ATP1A1: variants seen among roughly 807,000 people sequenced by gnomAD.
ATP1A1 encodes the protein sodium/potassium-transporting ATPase subunit alpha-1.
A neutral mutation model predicts 114.8 loss-of-function variants in ATP1A1; 14 were observed. The observed-to-expected ratio is 0.12, with a 90% confidence interval of 0.08 to 0.19. The LOEUF is 0.19. Ranked by LOEUF, ATP1A1 falls within the 10% of genes least tolerant of loss-of-function variation. The pLI, the probability that ATP1A1 is intolerant of heterozygous loss-of-function variation, is 1.00. For synonymous variants in ATP1A1, 471 were observed against 466.3 expected (o/e 1.01, Z -0.13); for missense variants, 524 against 1,290.7 (o/e 0.41, Z 9.10).
At chr1:116,386,812 G>C (rs1652127805) in intron 3 of ATP1A1, among the ~76,000 whole-genome samples, 1 of 152,160 alleles carries the variant, frequency 6.6e-6, no homozygotes, top group African/African-American at 2.4e-5. Flanking sequence ...AAACTTGGCT[G>C]TTAACCCAAA....
At chr1:116,386,492 G>A (rs1652104199) in intron 3 of ATP1A1, among the ~76,000 whole-genome samples, 1 of 152,156 alleles carries the variant, frequency 6.6e-6, no homozygotes, top group South Asian at 2.1e-4. Context: ...GCACTCAAAT[G>A]TTTGGTAACA....
In ATP1A1 at chr1:116,376,533, A is replaced by C. The variant is rs1239294951; in HGVS notation, c.12+3010A>C. 2.0e-5 allele frequency among the ~76,000 whole-genome samples: 3 copies of C among 152,156 alleles called. No individual in the cohort carries two copies. In the South Asian group the frequency reaches 6.2e-4, roughly 32 times the overall value. On this transcript the variant is annotated intron_variant, in intron 1 of 22. Transcript: ENST00000295598. ...GGGGTGGAGAGAGCACTTGTGCCTC[A>C]CCCTTTGCCTGTCAGTTGTTCAGCG...
chr1:116,394,020 T>C (rs1038707279), intron 12 of ATP1A1, among the ~76,000 whole-genome samples: 8 of 151,944 alleles, frequency 5.3e-5, no homozygotes, highest in Admixed American at 3.9e-4. Context: ...AAAAAAAAAA[T>C]GGTGGAAGAA....
rs1266835711 is a variant in ATP1A1 at position 116,397,980 on chromosome 1, T to C, written c.2066T>C (p.Val689Ala). 1 of 1,613,998 alleles carries C rather than the reference T, an allele frequency of 6.2e-7. No homozygotes were observed. The highest frequency in any genetic ancestry group is 2.2e-5 in the East Asian group (1 of 44,868). Reference sequence around the variant, plus strand: ...ATTTTGAAGTACCACACTGAGATAGTGTTTGCCAGGACCTCCCCTCAGCAG... The same window carrying C: ...ATTTTGAAGTACCACACTGAGATAGCGTTTGCCAGGACCTCCCCTCAGCAG... ...DDILKYHTEI[V>A]FARTSPQQKL... The change falls in exon 15 of 23, where the codon GTG becomes GCG. Residue 689 changes from valine to alanine, a missense_variant. This residue lies in a region of ATP1A1 where 47 missense variants were observed against 79.8 expected (regional missense o/e 0.59). Transcript: ENST00000295598. This position sits in a 1 kb window ranked among gnomAD's most constrained non-coding sequence, Gnocchi z 4.2.
At position 116,398,100 on chromosome 1, in the gene ATP1A1, G is replaced by GT; in HGVS notation, c.2124+63dup. The GT allele has an allele frequency of 6.3e-7, 1 of 1,593,118 alleles. No individual in the cohort carries two copies. On this transcript the variant is annotated intron_variant, in intron 15 of 22. Transcript: ENST00000295598. The surrounding 1 kb of genome is among the most constrained non-coding windows in gnomAD (Gnocchi z 6.1). ...ATTGGCTTTAGGGATTGGAGTTCCA[G>GT]TGGAAACAGAGCAACGGTGATGGAT...
chr1:116,388,568 A>G lies in ATP1A1; in HGVS notation c.502-70A>G, dbSNP rs775759694. On this transcript the variant is annotated intron_variant, in intron 5 of 22. Transcript: ENST00000295598. The surrounding 1 kb of genome is among the most constrained non-coding windows in gnomAD (Gnocchi z 5.6). ...GGTAATTAGGATTATGACTATTTTT[A>G]TTTTCTTGTTTTGGACACTACCTTC... is the stretch of plus-strand genomic sequence containing the variant. The G allele has an allele frequency of 6.6e-7, 1 of 1,519,422 alleles. No individual in the cohort carries two copies. The highest frequency in any genetic ancestry group is 8.9e-7 in the Non-Finnish European group (1 of 1,122,064). The allele number at this position is 1,519,422 out of a possible 1,614,324, so 94.1% of individuals were successfully genotyped here. A position where few individuals can be genotyped will look rare whatever the true frequency, so the allele number is the denominator to read the frequency against.
In ATP1A1 at chr1:116,396,730, C is replaced by T. The variant is rs766905602; in HGVS notation, c.1969C>T (p.Pro657Ser). The T allele has an allele frequency of 6.3e-7, 1 of 1,576,824 alleles. No homozygotes were observed. Among genetic ancestry groups the T allele is most frequent in the Non-Finnish European group, 8.6e-7 (1 of 1,158,262 alleles). ...CAACATCCCAGTCAGCCAGGTGAAC[C>T]CCAGGTAAGGCAGGAAGCTCAAATC... ...RLNIPVSQVN[P>S]RDAKACVVHG... The change falls in exon 14 of 23, where the codon CCC (proline) becomes TCC (serine). Residue 657 changes from proline (P) to serine (S), a missense_variant. This residue lies in a region of ATP1A1 where 47 missense variants were observed against 79.8 expected (regional missense o/e 0.59). Coordinates refer to ENST00000295598, the MANE Select transcript of ATP1A1 (RefSeq NM_000701.8).
chr1:116,388,283 C>T lies in ATP1A1; in HGVS notation c.501+39C>T, dbSNP rs769373053. On this transcript the variant is annotated intron_variant, in intron 5 of 22. Transcript: ENST00000295598. The surrounding 1 kb of genome is among the most constrained non-coding windows in gnomAD (Gnocchi z 5.6). Reference sequence around the variant, plus strand: ...TGTCCTTCCCCAGTGGATGACTTGACAGCCCCAAGCATGTCAGCCTGTGAA... The same window carrying T: ...TGTCCTTCCCCAGTGGATGACTTGATAGCCCCAAGCATGTCAGCCTGTGAA... The T allele has an allele frequency of 5.5e-6, 8 of 1,452,398 alleles. No homozygotes were observed. Among genetic ancestry groups the T allele is most frequent in the South Asian group, 1.1e-5 (1 of 87,438 alleles). The allele number at this position is 1,452,398 out of a possible 1,614,324, so 90.0% of individuals were successfully genotyped here.
At position 116,373,370 on chromosome 1, in the gene ATP1A1, T is replaced by G; in HGVS notation, c.-142T>G. ...CATCGGCCCGAGCCGCCGGCCGCCC[T>G]CCCACCCTCCCGCCCCGCGGCAGCC... On this transcript the variant is annotated 5_prime_UTR_variant, in exon 1 of 23. Coordinates refer to ENST00000295598, the MANE Select transcript of ATP1A1 (RefSeq NM_000701.8). 1.8e-5 allele frequency: 6 copies of G among 333,834 alleles called. No homozygotes were observed. The highest frequency in any genetic ancestry group is 8.9e-5 in the East Asian group (1 of 11,240). The allele number at this position is 333,834 out of a possible 1,614,324, so 20.7% of individuals were successfully genotyped here. A position where few individuals can be genotyped will look rare whatever the true frequency, so the allele number is the denominator to read the frequency against.
chr1:116,386,325 T>C (rs1009562794), intron 3 of ATP1A1, among the ~76,000 whole-genome samples: 6 of 152,152 alleles, frequency 3.9e-5, no homozygotes, highest in African/African-American at 1.4e-4. Flanking sequence ...ATTAGAGTCT[T>C]AATGAAGTGT....
intron 1 of ATP1A1, among the ~76,000 whole-genome samples, chr1:116,378,727 C>T (rs569993554): frequency 1.2e-4 from 18 of 152,168 alleles, no homozygotes; most frequent in Non-Finnish European, 2.6e-4. Flanking sequence ...CAGTCATTTT[C>T]CTTCCTAGCC....
chr1:116,389,135 C>G lies in ATP1A1; in HGVS notation c.754+116C>G. On this transcript the variant is annotated intron_variant, in intron 7 of 22. Coordinates refer to ENST00000295598, the MANE Select transcript of ATP1A1 (RefSeq NM_000701.8). This position sits in a 1 kb window ranked among gnomAD's most constrained non-coding sequence, Gnocchi z 6.9. ...TGGCTCCATTTCTGAGAACTTGTGT[C>G]AAGCACAGAGCAGAGGTGTTTTCCT... 7 of 1,089,906 alleles carry G rather than the reference C, an allele frequency of 6.4e-6. No homozygotes were observed. Among genetic ancestry groups the G allele is most frequent in the Non-Finnish European group, 9.6e-6 (7 of 731,186 alleles). 67.5% of individuals were successfully genotyped at this position (1,089,906 alleles called of 1,614,324 possible). A position where few individuals can be genotyped will look rare whatever the true frequency, so the allele number is the denominator to read the frequency against.
chr1:116,387,401 G>C lies in ATP1A1; in HGVS notation c.297G>C (p.Gly99=), dbSNP rs200046518. ...AGTTTTGTCGGCAGCTCTTTGGGGG[G>C]TTCTCAATGTTACTGTGGATTGGAG... The part of the protein sequence containing the change: ...WIKFCRQLFG[G]FSMLLWIGAI... Residue 99 remains glycine (G), a synonymous_variant, in exon 4 of 23, where the codon GGG becomes GGC. Coordinates refer to ENST00000295598, the MANE Select transcript of ATP1A1 (RefSeq NM_000701.8). The surrounding 1 kb of genome is among the most constrained non-coding windows in gnomAD (Gnocchi z 6.7). The C allele has an allele frequency of 3.1e-6, 5 of 1,614,190 alleles. No homozygotes were observed. The South Asian group carries it at 4.4e-5, about 14-fold the overall frequency.
rs1305909461 is a variant in ATP1A1, at chr1:116,398,587, T to C, written c.2125-34T>C. The C allele has an allele frequency of 6.2e-7, 1 of 1,600,492 alleles. No homozygotes were observed. Among genetic ancestry groups the C allele is most frequent in the Non-Finnish European group, 8.5e-7 (1 of 1,171,114 alleles). Reference sequence around the variant, plus strand: ...CTATTTCCATCGCTAGGAAAAGTGATTGGTATTAACCCGTTTTCCCTTTTC... The same window carrying C: ...CTATTTCCATCGCTAGGAAAAGTGACTGGTATTAACCCGTTTTCCCTTTTC... On this transcript the variant is annotated intron_variant, in intron 15 of 22. Coordinates refer to ENST00000295598, the MANE Select transcript of ATP1A1 (RefSeq NM_000701.8). The surrounding 1 kb of genome is among the most constrained non-coding windows in gnomAD (Gnocchi z 6.1).
chr1:116,392,559 G>A, intron 10 of ATP1A1: 1 of 263,216 alleles, frequency 3.8e-6, no homozygotes, highest in Non-Finnish European at 7.1e-6. Flanking sequence ...GCAGTAGGTT[G>A]GAAGGGTGTG....
rs1653059893 is a variant in ATP1A1, at chr1:116,397,817, C to T, written c.1974-71C>T. 6.6e-7 allele frequency: 1 copy of T among 1,524,558 alleles called. No homozygotes were observed. Among genetic ancestry groups the T allele is most frequent in the Non-Finnish European group, 8.8e-7 (1 of 1,130,756 alleles). The allele number at this position is 1,524,558 out of a possible 1,614,324, so 94.4% of individuals were successfully genotyped here. On this transcript the variant is annotated intron_variant, in intron 14 of 22. Transcript: ENST00000295598. This position sits in a 1 kb window ranked among gnomAD's most constrained non-coding sequence, Gnocchi z 4.2. Reference sequence around the variant, plus strand: ...CAAAGTGATCTGCATAAGAATATCCCCTCTTGAGGTGATGGACACATGCTG... The same window carrying T: ...CAAAGTGATCTGCATAAGAATATCCTCTCTTGAGGTGATGGACACATGCTG...
In ATP1A1 at chr1:116,388,374, C is replaced by G. The variant is rs1450118135; in HGVS notation, c.501+130C>G. The G allele has an allele frequency of 4.1e-6, 4 of 969,564 alleles. No individual in the cohort carries two copies. The highest frequency in any genetic ancestry group is 6.1e-6 in the Non-Finnish European group (4 of 652,690). The allele number at this position is 969,564 out of a possible 1,614,324, so 60.1% of individuals were successfully genotyped here. ...TCAGAGAGATGGATGTCTTCTACCC[C>G]ACCCAAAACCAACCTATTTTCCTTC... is the stretch of plus-strand genomic sequence containing the variant. On this transcript the variant is annotated intron_variant, in intron 5 of 22. Coordinates refer to ENST00000295598, the MANE Select transcript of ATP1A1 (RefSeq NM_000701.8). The surrounding 1 kb of genome is among the most constrained non-coding windows in gnomAD (Gnocchi z 5.6).
In ATP1A1 at chr1:116,398,758, C is replaced by T; in HGVS notation, c.2262C>T (p.Asn754=). ...QAADMILLDD[N]FASIVTGVEE... Reference sequence around the variant, plus strand: ...CTGACATGATTCTTCTGGATGACAACTTTGCCTCAATTGTGACTGGAGTAG... The same window carrying T: ...CTGACATGATTCTTCTGGATGACAATTTTGCCTCAATTGTGACTGGAGTAG... Residue 754 remains asparagine (N), a synonymous_variant, in exon 16 of 23, where the codon AAC becomes AAT. Coordinates refer to ENST00000295598, the MANE Select transcript of ATP1A1 (RefSeq NM_000701.8). The surrounding 1 kb of genome is among the most constrained non-coding windows in gnomAD (Gnocchi z 6.1). 5 of 1,614,140 alleles carry T rather than the reference C, an allele frequency of 3.1e-6. No individual in the cohort carries two copies. The highest frequency in any genetic ancestry group is 4.2e-6 in the Non-Finnish European group (5 of 1,180,030).
At chr1:116,374,142 C>T (rs1403955811) in intron 1 of ATP1A1, 4 of 1,548,124 alleles carry the variant, frequency 2.6e-6, no homozygotes, top group Non-Finnish European at 3.5e-6. Context: ...GGCGGCCGCC[C>T]TCCCCCAAAG....
Sources: gnomAD v4.1 joint callset for allele counts (sites outside exome capture counted in the v4.1 genomes callset) on GRCh38, gnomAD v4.1.1 for gene constraint, gnomAD v4.1.1 regional missense constraint, Gnocchi (gnomAD v3.1) non-coding constraint, MANE v1.5 for transcripts, NCBI Gene and HGNC (gene_info 2026-07-23, HGNC 2026-07-21) for gene names.